ZRANB3: variants seen among roughly 807,000 people sequenced by gnomAD.
ZRANB3 encodes DNA annealing helicase and endonuclease ZRANB3.
Under a neutral mutation model 133.8 loss-of-function variants are expected in ZRANB3, and 125 were observed. The ratio of observed to expected loss-of-function variants is 0.93; its 90% confidence interval spans 0.81 to 1.08. The LOEUF (loss-of-function observed/expected upper bound fraction) is 1.08. ZRANB3 is among the 50% of genes least tolerant of loss of function. The probability of loss-of-function intolerance (pLI) is 0.00; values close to 1 mark genes in which losing one functional copy is unlikely to be tolerated. For synonymous variants in ZRANB3, 387 were observed against 432.7 expected, an observed-to-expected ratio of 0.89 and a Z score of 1.31; for missense variants, 1,229 against 1,275.5, an observed-to-expected ratio of 0.96 and a Z score of 0.56.
chr2:135,475,990 A>G (rs919007567), intron 2 of ZRANB3, among the ~76,000 whole-genome samples: 2 of 152,220 alleles, frequency 1.3e-5, no homozygotes, highest in Non-Finnish European at 2.9e-5. Context: ...AGGCAAGAGA[A>G]TCGTTTGAAC....
intron 3 of ZRANB3, among the ~76,000 whole-genome samples, chr2:135,375,684 C>CAA (rs61475008): frequency 3.0e-5 from 4 of 132,938 alleles, no homozygotes; most frequent in African/African-American, 5.5e-5. Context: ...GACTCCATCT[C>CAA]AAAAAAAAAA....
At chr2:135,421,417 C>G (rs1447250813) in intron 2 of ZRANB3, among the ~76,000 whole-genome samples, 7 of 152,096 alleles carry the variant, frequency 4.6e-5, no homozygotes, top group Non-Finnish European at 2.9e-5. Context: ...TATGGAGAGG[C>G]CTCCTTTTAC....
In ZRANB3 at chr2:135,428,892, T is replaced by G. The variant is rs1457868366; in HGVS notation, c.162-38072A>C. On this transcript the variant is annotated intron_variant, in intron 2 of 20. Coordinates refer to ENST00000264159, the MANE Select transcript of ZRANB3 (RefSeq NM_032143.4). ...TAAAAAGCCAAAGAATAACAGATGC[T>G]GGTGGGGTTGAAGAGAAATGGGAGT... Among the ~76,000 whole-genome samples the G allele has an allele frequency of 2.6e-5, 4 of 152,186 alleles. 1 individual carries two copies. The highest frequency in any genetic ancestry group is 4.4e-5 in the Non-Finnish European group (3 of 68,030).
At chr2:135,268,708 A>G (rs1680365142) in intron 11 of ZRANB3, among the ~76,000 whole-genome samples, 1 of 152,086 alleles carries the variant, frequency 6.6e-6, no homozygotes, top group South Asian at 2.1e-4. Flanking sequence ...CAACCCCATC[A>G]TTGTACCTCT....
chr2:135,210,531 C>T (rs1473888833), intron 17 of ZRANB3, among the ~76,000 whole-genome samples: 1 of 152,068 alleles, frequency 6.6e-6, no homozygotes. Context: ...GGGAATTTGC[C>T]ATGTTGGCCA....
chr2:135,360,871 G>C (rs1021001118), intron 3 of ZRANB3, among the ~76,000 whole-genome samples: 3 of 152,000 alleles, frequency 2.0e-5, no homozygotes, highest in Admixed American at 6.5e-5. Flanking sequence ...GGCTCAAGCG[G>C]TTCTCCCACC....
intron 2 of ZRANB3, among the ~76,000 whole-genome samples, chr2:135,411,947 G>A (rs1688320999): frequency 1.3e-5 from 2 of 152,044 alleles, no homozygotes; most frequent in Admixed American, 6.6e-5. Context: ...CCCTTCTTCT[G>A]CCTCTGAATA....
rs544990679 is a variant in ZRANB3, at chr2:135,470,768, A to G, written c.161+33561T>C. ...ACGGAGTCAAGCTTTTTCATCCTAC[A>G]GAAAATAATTTTTTTAATGATCACG... On this transcript the variant is annotated intron_variant, in intron 2 of 20. Transcript: ENST00000264159. 6.6e-5 allele frequency among the ~76,000 whole-genome samples: 10 copies of G among 152,002 alleles called. No homozygotes were observed. In the South Asian group the frequency reaches 2.1e-3, roughly 32 times the overall value.
At chr2:135,454,881 T>C (rs1455320807) in intron 2 of ZRANB3, among the ~76,000 whole-genome samples, 3 of 152,204 alleles carry the variant, frequency 2.0e-5, no homozygotes, top group Non-Finnish European at 4.4e-5. Flanking sequence ...TAATTGTGAA[T>C]TGTGCTGTGG....
chr2:135,370,005 C>T (rs956539095), intron 3 of ZRANB3, among the ~76,000 whole-genome samples: 7 of 149,888 alleles, frequency 4.7e-5, no homozygotes, highest in Non-Finnish European at 1.0e-4. Context: ...CCCACTCATC[C>T]TTACTTGATT....
intron 12 of ZRANB3, among the ~76,000 whole-genome samples, chr2:135,261,629 T>C (rs1011829990): frequency 6.6e-6 from 1 of 152,202 alleles, no homozygotes; most frequent in Non-Finnish European, 1.5e-5. Flanking sequence ...AAATTGTGTA[T>C]ACAAATATAT....
At chr2:135,345,789 C>G (rs571736326) in intron 5 of ZRANB3, among the ~76,000 whole-genome samples, 154 bp from the exon 6 acceptor site, 1 of 152,050 alleles carries the variant, frequency 6.6e-6, no homozygotes, top group Admixed American at 6.5e-5. Context: ...CAGGGATAAC[C>G]GTTATCTGTT....
chr2:135,431,363 T>C (rs997169491), intron 2 of ZRANB3, among the ~76,000 whole-genome samples: 26 of 150,786 alleles, frequency 1.7e-4, no homozygotes, highest in African/African-American at 6.3e-4. Context: ...CCAAATATTA[T>C]ACATTATTAT....
At position 135,419,522 on chromosome 2, in the gene ZRANB3, T is replaced by C. The variant is rs144609359; in HGVS notation, c.162-28702A>G. 2.3e-3 allele frequency among the ~76,000 whole-genome samples: 345 copies of C among 152,190 alleles called. 2 individuals are homozygous for C. The highest frequency in any genetic ancestry group is 3.7e-3 in the Non-Finnish European group (254 of 68,002). On this transcript the variant is annotated intron_variant, in intron 2 of 20. Coordinates refer to ENST00000264159, the MANE Select transcript of ZRANB3 (RefSeq NM_032143.4). ...GGAATATGCATGCCATAGTAAACTG[T>C]ATGCATCTGTAGGGAGGTAACAGAA...
chr2:135,528,848 G>A (rs748393098), intron 1 of ZRANB3, among the ~76,000 whole-genome samples: 1 of 147,028 alleles, frequency 6.8e-6, no homozygotes, highest in African/African-American at 2.6e-5. Context: ...AACATCACTC[G>A]TTAGTATTGG....
chr2:135,398,526 T>A (rs1253704203), intron 2 of ZRANB3, among the ~76,000 whole-genome samples: 2 of 145,770 alleles, frequency 1.4e-5, no homozygotes, highest in African/African-American at 2.7e-5. Context: ...TGTCACTTTT[T>A]TTTTTTTTTT....
chr2:135,273,679 C>T (rs1303176081), intron 9 of ZRANB3, among the ~76,000 whole-genome samples: 1 of 152,154 alleles, frequency 6.6e-6, no homozygotes, highest in Admixed American at 6.5e-5. Flanking sequence ...GCTGGGATTA[C>T]AGGCATGTGC....
intron 8 of ZRANB3, among the ~76,000 whole-genome samples, chr2:135,294,312 G>A (rs1445915774): frequency 1.3e-5 from 2 of 152,134 alleles, no homozygotes; most frequent in Non-Finnish European, 2.9e-5. Flanking sequence ...CTTCTTCCTG[G>A]TTTAGTCTTG....
At chr2:135,432,271 C>A (rs879279229) in intron 2 of ZRANB3, among the ~76,000 whole-genome samples, 5 of 151,922 alleles carry the variant, frequency 3.3e-5, no homozygotes, top group Admixed American at 1.3e-4. Flanking sequence ...ATAATAATCC[C>A]AAATGGACCA....
Sources: gnomAD v4.1 joint callset for allele counts (sites outside exome capture counted in the v4.1 genomes callset) on GRCh38, gnomAD v4.1.1 for gene constraint, MANE v1.5 for transcripts, NCBI Gene and HGNC (gene_info 2026-07-23, HGNC 2026-07-21) for gene names.